RRM2: variants seen among roughly 807,000 people sequenced by gnomAD.
The protein encoded by RRM2 is ribonucleoside-diphosphate reductase subunit M2.
In RRM2, 6 loss-of-function variants were observed where a neutral mutation model predicts 45.9. That is an observed-to-expected ratio of 0.13 (90% CI 0.07 to 0.26). The LOEUF is 0.26. Ranked by LOEUF, RRM2 falls within the 10% of genes least tolerant of loss-of-function variation. RRM2 has a pLI of 1.00. For synonymous variants in RRM2, 177 were observed against 173.0 expected, an observed-to-expected ratio of 1.02 and a Z score of -0.18; for missense variants, 343 against 489.5, an observed-to-expected ratio of 0.70 and a Z score of 2.82.
chr2:10,123,139 TCA>T, intron 2 of RRM2, 82 bp downstream of exon 2: 1 of 1,439,544 alleles, frequency 6.9e-7, no homozygotes, highest in South Asian at 1.3e-5. Context: ...CCTCAGCTGT[TCA>T]CACTCCCGCC....
rs1662794872 is a variant in RRM2, at chr2:10,127,060, AT to A, written c.665-26del. On this transcript the variant is annotated intron_variant, in intron 6 of 9. Transcript: ENST00000304567. The surrounding 1 kb of genome is among the most constrained non-coding windows in gnomAD (Gnocchi z 4.1). Reference sequence around the variant, plus strand: ...GGCCCTTGAATACCAACTCACTAGAATCATGTTGGTGTTAACTCCTAAATAG... The same window carrying A: ...GGCCCTTGAATACCAACTCACTAGAACATGTTGGTGTTAACTCCTAAATAG... 1.2e-6 allele frequency: 2 copies of A among 1,612,940 alleles called. No homozygotes were observed. The highest frequency in any genetic ancestry group is 2.2e-5 in the South Asian group (2 of 91,066).
chr2:10,133,014 C>T (rs1371529132), downstream of RRM2, among the ~76,000 whole-genome samples: 3 of 151,544 alleles, frequency 2.0e-5, no homozygotes, highest in Non-Finnish European at 4.4e-5. Flanking sequence ...CCCAGACCTA[C>T]TGAATCAGTC....
chr2:10,166,899 G>A (rs562899612), intron 3 of RRM2, among the ~76,000 whole-genome samples: 15 of 152,316 alleles, frequency 9.8e-5, no homozygotes, highest in African/African-American at 2.4e-4. Context: ...GGTTGGGAGC[G>A]TGGCAATGGG....
chr2:10,196,745 C>T (rs1275640729), intron 3 of RRM2, among the ~76,000 whole-genome samples: 2 of 152,200 alleles, frequency 1.3e-5, no homozygotes, highest in Admixed American at 6.5e-5. Flanking sequence ...GAGGCGGGTT[C>T]GCTGTGGCCA....
chr2:10,181,797 C>T (rs1211488328), intron 3 of RRM2, among the ~76,000 whole-genome samples: 7 of 122,166 alleles, frequency 5.7e-5, no homozygotes, highest in African/African-American at 2.2e-4. Flanking sequence ...AGGGTCTCAG[C>T]TCTGTCACTC....
intron 3 of RRM2, among the ~76,000 whole-genome samples, chr2:10,183,851 A>AG (rs1227146426): frequency 4.7e-5 from 7 of 150,510 alleles, no homozygotes; most frequent in African/African-American, 1.7e-4. Flanking sequence ...GCACTTTGGG[A>AG]GGCCGAGGCG....
chr2:10,133,559 T>C (rs2125309643), downstream of RRM2, among the ~76,000 whole-genome samples: 1 of 152,284 alleles, frequency 6.6e-6, no homozygotes, highest in East Asian at 1.9e-4. Context: ...CATCCGTGAG[T>C]GGCTGCAGTT....
intron 3 of RRM2, among the ~76,000 whole-genome samples, chr2:10,193,355 C>T (rs966587290): frequency 2.0e-5 from 3 of 152,330 alleles, no homozygotes; most frequent in African/African-American, 7.2e-5. Context: ...CTGGTGGCCT[C>T]CTCTCCTCCA....
downstream of RRM2, among the ~76,000 whole-genome samples, chr2:10,134,192 A>C (rs1662951134): frequency 7.6e-6 from 1 of 132,188 alleles, no homozygotes. Flanking sequence ...AAAAAAAAAA[A>C]GTTAAATAGA....
chr2:10,141,518 T>G, exon 1 of RRM2: 2 of 319,812 alleles, frequency 6.3e-6, no homozygotes, highest in Non-Finnish European at 6.0e-6. Context: ...CCAGCAGAGG[T>G]CTGGGCACAT....
chr2:10,149,786 G>A (rs1663270273), intron 3 of RRM2, among the ~76,000 whole-genome samples: 1 of 152,134 alleles, frequency 6.6e-6, no homozygotes, highest in Non-Finnish European at 1.5e-5. Context: ...CTGTGTGATT[G>A]TCTGTGTCTG....
intron 3 of RRM2, among the ~76,000 whole-genome samples, chr2:10,153,570 C>T (rs1663361391): frequency 6.6e-6 from 1 of 152,072 alleles, no homozygotes; most frequent in African/African-American, 2.4e-5. Flanking sequence ...GCCGAGGTTT[C>T]TGTTTTTTTC....
intron 5 of RRM2, among the ~76,000 whole-genome samples, chr2:10,125,524 T>C (rs1409000037): frequency 6.6e-6 from 1 of 152,062 alleles, no homozygotes; most frequent in African/African-American, 2.4e-5. Flanking sequence ...GCTAACACGG[T>C]GAAACCCCGT....
intron 3 of RRM2, chr2:10,145,503 C>T (rs1319064645): frequency 6.6e-6 from 1 of 152,264 alleles, no homozygotes; most frequent in East Asian, 1.9e-4. Context: ...GGCTTCCTCT[C>T]TCCCTGAATA....
At chr2:10,141,683 A>C in intron 1 of RRM2, 1 of 928,374 alleles carries the variant, frequency 1.1e-6, no homozygotes, top group Non-Finnish European at 1.6e-6. Context: ...GAAGGAGGGC[A>C]AGAGACCTCG....
chr2:10,164,048 G>A (rs1280119414), intron 3 of RRM2, among the ~76,000 whole-genome samples: 2 of 152,022 alleles, frequency 1.3e-5, no homozygotes, highest in Non-Finnish European at 2.9e-5. Flanking sequence ...GTGTGAATAT[G>A]TGTGTGTGCA....
At chr2:10,209,621 G>A (rs1482462968) in intron 3 of RRM2, among the ~76,000 whole-genome samples, 1 of 85,116 alleles carries the variant, frequency 1.2e-5, no homozygotes, top group African/African-American at 3.1e-5. Context: ...GCATGCGTGT[G>A]TGTGTGTGTG....
At chr2:10,199,850 T>A (rs1664509394) in intron 3 of RRM2, among the ~76,000 whole-genome samples, 1 of 151,548 alleles carries the variant, frequency 6.6e-6, no homozygotes, top group African/African-American at 2.4e-5. Context: ...AGATTTTTTT[T>A]TAGGTAAAGT....
chr2:10,126,325 G>T (rs1662779863), intron 5 of RRM2, among the ~76,000 whole-genome samples: 2 of 152,280 alleles, frequency 1.3e-5, no homozygotes, highest in South Asian at 4.1e-4. Context: ...GGGAGATCCA[G>T]TTAACTGTAG....
Sources: allele counts gnomAD v4.1 joint callset (sites outside exome capture counted in the v4.1 genomes callset), GRCh38; gene constraint gnomAD v4.1.1; non-coding constraint Gnocchi (gnomAD v3.1); transcripts MANE v1.5; gene names NCBI Gene and HGNC (gene_info 2026-07-23, HGNC 2026-07-21).